Variants in TMEM184A observed in about 807,000 individuals in gnomAD.
TMEM184A encodes sexually dimorphic, expressed in male gonads 1.
A neutral mutation model predicts 39.5 loss-of-function variants in TMEM184A; 40 were observed. The ratio of observed to expected loss-of-function variants is 1.01; its 90% CI spans 0.79 to 1.32. The LOEUF is 1.32. Ranked by LOEUF, TMEM184A falls within the 40% of genes most tolerant of loss-of-function variation. The pLI is 0.00. For synonymous variants in TMEM184A, 280 were observed against 252.3 expected, an observed-to-expected ratio of 1.11 and a Z score of -1.04; for missense variants, 603 against 568.8, an observed-to-expected ratio of 1.06 and a Z score of -0.61.
rs532461313 is a variant in TMEM184A, at chr7:1,542,983, G to A, written c.*3969C>T. ...TGCGGCCACCACCTAATTTATTGCC[G>A]TGCGTCCTGCTGCTGTGACTGCTTT... On this transcript the variant is annotated 3_prime_UTR_variant, in exon 9 of 9. Coordinates refer to ENST00000297477, the MANE Select transcript of TMEM184A (RefSeq NM_001097620.2). The A allele has an allele frequency of 3.9e-3, 589 of 152,800 alleles. 2 individuals carry two copies. Among genetic ancestry groups the A allele is most frequent in the Non-Finnish European group, 5.3e-3 (364 of 68,088 alleles). 9.5% of individuals were successfully genotyped at this position (152,800 alleles called of 1,614,324 possible).
At chr7:1,550,235 C>T in intron 4 of TMEM184A, 37 bp from the exon 5 acceptor site, 3 of 1,604,630 alleles carry the variant, frequency 1.9e-6, no homozygotes, top group Non-Finnish European at 2.6e-6. Flanking sequence ...CGGGAGAATG[C>T]AGCCCCGGCG....
chr7:1,549,540 G>C, intron 6 of TMEM184A: 1 of 516,056 alleles, frequency 1.9e-6, no homozygotes, highest in Non-Finnish European at 3.9e-6. Context: ...ACAGACGCTA[G>C]ACTCACCCCA....
At chr7:1,550,734 T>C in intron 3 of TMEM184A, 83 bp downstream of exon 3, 1 of 1,532,684 alleles carries the variant, frequency 6.5e-7, no homozygotes, top group East Asian at 2.3e-5. Flanking sequence ...CCCTGGGGAC[T>C]GGCCATGGAA....
chr7:1,547,721 C>G (rs1025128398), intron 8 of TMEM184A, 21 bp downstream of exon 8: 2 of 1,605,012 alleles, frequency 1.2e-6, no homozygotes, highest in Non-Finnish European at 1.7e-6. Flanking sequence ...CCGGGTGCCC[C>G]AGCTGGAAGG....
chr7:1,548,846 G>T (rs1247323251), intron 6 of TMEM184A, 158 bp from the exon 7 acceptor site: 5 of 909,822 alleles, frequency 5.5e-6, no homozygotes, highest in Non-Finnish European at 8.7e-6. Flanking sequence ...TCACTCCAGG[G>T]CCTGCAGGAG....
Position 1,555,614 on chromosome 7 carries a change from A to AC in TMEM184A, c.1-131dup, listed in dbSNP as rs1445777020. 14 of 720,050 alleles carry AC rather than the reference A, an allele frequency of 1.9e-5. No individual in the cohort carries two copies. Among genetic ancestry groups the AC allele is most frequent in the African/African-American group, 1.1e-4 (6 of 56,790 alleles). The allele number at this position is 720,050 out of a possible 1,614,324, so 44.6% of individuals were successfully genotyped here. On this transcript the variant is annotated intron_variant, in intron 1 of 8. Coordinates refer to ENST00000297477, the MANE Select transcript of TMEM184A (RefSeq NM_001097620.2). This position sits in a 1 kb window ranked among gnomAD's most constrained non-coding sequence, Gnocchi z 5.2. Reference sequence around the variant, plus strand: ...GAGGCTGAGCCACCCACCAGGCCGCACCCCCCACACGGACACCAGCGCCAG... The same window carrying AC: ...GAGGCTGAGCCACCCACCAGGCCGCACCCCCCCACACGGACACCAGCGCCAG...
rs1205458815 is a variant in TMEM184A at position 1,555,326 on chromosome 7, T to A, written c.159A>T (p.Ala53=). 6.2e-7 allele frequency: 1 copy of A among 1,609,172 alleles called. No homozygotes were observed. Among genetic ancestry groups the A allele is most frequent in the East Asian group, 2.2e-5 (1 of 44,728 alleles). The stretch of plus-strand genomic sequence containing the variant: ...AGATCCCCGAGACGCCTCGGGCCAG[T>A]GCGGAGGTGAGGAAGAGCCAGGGGG... ...QGAPWLFLTS[A]LARGVSGIFV... is the part of the protein sequence containing the mutation. The change falls in exon 2 of 9, where the codon GCA becomes GCT. Residue 53 remains alanine (A), a synonymous_variant. Coordinates refer to ENST00000297477, the MANE Select transcript of TMEM184A (RefSeq NM_001097620.2). The surrounding 1 kb of genome is among the most constrained non-coding windows in gnomAD (Gnocchi z 5.2).
intron 6 of TMEM184A, 65 bp downstream of exon 6, chr7:1,549,789 A>C: frequency 6.9e-7 from 1 of 1,455,556 alleles, no homozygotes; most frequent in South Asian, 1.3e-5. Flanking sequence ...GTTGGGCCCC[A>C]CTCCCGGGCC....
Position 1,555,286 on chromosome 7 carries a change from G to A in TMEM184A, c.199C>T (p.Leu67=). The change falls in exon 2 of 9, where the codon CTG becomes TTG. Residue 67 remains leucine, a synonymous_variant. Transcript: ENST00000297477. This position sits in a 1 kb window ranked among gnomAD's most constrained non-coding sequence, Gnocchi z 5.2. ...CTTACCTGGTGGCAGGTGAGCACCA[G>A]GGCAGTCCACACGAAGATCCCCGAG... ...GVSGIFVWTA[L]VLTCHQIYLH... is the part of the protein sequence containing the mutation. 12 of 1,607,338 alleles carry A rather than the reference G, an allele frequency of 7.5e-6. No individual in the cohort carries two copies. Among genetic ancestry groups the A allele is most frequent in the East Asian group, 2.2e-5 (1 of 44,722 alleles).
rs1550009 is a variant in TMEM184A, at chr7:1,545,038, C to T, written c.*1914G>A. The T allele has an allele frequency of 0.59, 90,083 of 152,076 alleles. 26,893 individuals carry two copies. The highest frequency in any genetic ancestry group is 0.68 in the East Asian group (3,486 of 5,136). The allele number at this position is 152,076 out of a possible 1,614,324, so 9.4% of individuals were successfully genotyped here. On this transcript the variant is annotated 3_prime_UTR_variant, in exon 9 of 9. Transcript: ENST00000297477. ...TCCAGAAAGGGAGCCCTCGGCCACA[C>T]ACCCTCCAAACGCAGATTTGAGCAA...
At chr7:1,553,096 A>C (rs1414533257) in intron 2 of TMEM184A, among the ~76,000 whole-genome samples, 1 of 151,998 alleles carries the variant, frequency 6.6e-6, no homozygotes, top group Non-Finnish European at 1.5e-5. Context: ...TGATTATAGT[A>C]GTGTTTGCCT....
At chr7:1,553,538 G>C (rs1021000217) in intron 2 of TMEM184A, among the ~76,000 whole-genome samples, 1 of 152,178 alleles carries the variant, frequency 6.6e-6, no homozygotes, top group Non-Finnish European at 1.5e-5. Context: ...GGGCGCACAG[G>C]GGCTCCTGGG....
At position 1,548,506 on chromosome 7, in the gene TMEM184A, C is replaced by G. The variant is rs768038582; in HGVS notation, c.814+13G>C. ...CACCTCGGTAGCACCCCTGCCCCAC[C>G]TGCCCCACACACCTTGCCAGAACGA... On this transcript the variant is annotated intron_variant, in intron 7 of 8. Coordinates refer to ENST00000297477, the MANE Select transcript of TMEM184A (RefSeq NM_001097620.2). 1.2e-6 allele frequency: 2 copies of G among 1,606,698 alleles called. No individual in the cohort carries two copies. Among genetic ancestry groups the G allele is most frequent in the South Asian group, 2.2e-5 (2 of 89,914 alleles).
chr7:1,553,158 TA>T (rs1229559369), intron 2 of TMEM184A, among the ~76,000 whole-genome samples: 2 of 152,160 alleles, frequency 1.3e-5, no homozygotes, highest in African/African-American at 4.8e-5. Flanking sequence ...TTTTAATTAT[TA>T]TTTTTTTTAT....
rs562288521 is a variant in TMEM184A, at chr7:1,547,496, C to T, written c.1012+246G>A. Among the ~76,000 whole-genome samples, 28 of 152,308 alleles carry T rather than the reference C, an allele frequency of 1.8e-4. No homozygotes were observed. The South Asian group carries it at 5.6e-3, about 30-fold the overall frequency. On this transcript the variant is annotated intron_variant, in intron 8 of 8. Coordinates refer to ENST00000297477, the MANE Select transcript of TMEM184A (RefSeq NM_001097620.2). ...AGTGACTGATGAGAAGCCGGCAGGC[C>T]ACAGGCTGTCTCCGCCCTAATAGGG...
At chr7:1,548,253 TG>T (rs1332015512) in intron 7 of TMEM184A, among the ~76,000 whole-genome samples, 4 of 130,000 alleles carry the variant, frequency 3.1e-5, no homozygotes, top group African/African-American at 1.3e-4. Context: ...CAGGGCCCAG[TG>T]GGGGCCAGGA....
rs150695022 is a variant in TMEM184A, at chr7:1,545,689, C to T, written c.*1263G>A. On this transcript the variant is annotated 3_prime_UTR_variant, in exon 9 of 9. Transcript: ENST00000297477. ...CCTGACGGGCCCTGGGCCTGGGGGGCGCCCTGCAGTGACACCCCTCGCCCT... is the reference window on the plus strand; with the variant it reads ...CCTGACGGGCCCTGGGCCTGGGGGGTGCCCTGCAGTGACACCCCTCGCCCT... The T allele has an allele frequency of 8.4e-3, 1,285 of 152,518 alleles. 10 individuals carry two copies. The highest frequency in any genetic ancestry group is 0.012 in the Admixed American group (183 of 15,310). The allele number at this position is 152,518 out of a possible 1,614,324, so 9.4% of individuals were successfully genotyped here. A position where few individuals can be genotyped will look rare whatever the true frequency, so the allele number is the denominator to read the frequency against.
chr7:1,548,623 G>T lies in TMEM184A; in HGVS notation c.710C>A (p.Ala237Asp). 1.2e-6 allele frequency: 2 copies of T among 1,613,968 alleles called. No homozygotes were observed. Among genetic ancestry groups the T allele is most frequent in the Non-Finnish European group, 1.7e-6 (2 of 1,179,998 alleles). Residue 237 changes from alanine (A) to aspartate (D), a missense_variant, in exon 7 of 9, where the codon GCC becomes GAC. Coordinates refer to ENST00000297477, the MANE Select transcript of TMEM184A (RefSeq NM_001097620.2). ...YNASVSLALY[A>D]LFLFYFTTRE... ...GGTGGTGAAGTAGAAGAGGAACAGG[G>T]CGTAGAGGGCGAGGCTGACGGAGGC...
intron 6 of TMEM184A, chr7:1,549,133 C>CTG (rs764620755): frequency 2.2e-6 from 1 of 463,862 alleles, no homozygotes; most frequent in Non-Finnish European, 4.3e-6. Context: ...GTGGGGTGCG[C>CTG]TGTGTGTGTG....
Sources: allele counts gnomAD v4.1 joint callset (sites outside exome capture counted in the v4.1 genomes callset), GRCh38; gene constraint gnomAD v4.1.1; non-coding constraint Gnocchi (gnomAD v3.1); transcripts MANE v1.5; gene names NCBI Gene and HGNC (gene_info 2026-07-23, HGNC 2026-07-21).